Variants in XRCC4 observed in about 807,000 individuals in gnomAD.
The protein encoded by XRCC4 is DNA repair protein XRCC4.
Under a neutral mutation model 39.1 loss-of-function variants are expected in XRCC4, and 28 were observed. The observed-to-expected ratio is 0.72, with a 90% CI of 0.53 to 0.98. The LOEUF (loss-of-function observed/expected upper bound fraction) is 0.98. XRCC4 is among the 50% of genes least tolerant of loss of function. XRCC4 has a pLI of 0.00. For missense variants in XRCC4, 350 were observed against 376.4 expected (o/e 0.93, Z 0.58); for synonymous variants, 123 against 126.4 (o/e 0.97, Z 0.18).
intron 6 of XRCC4, among the ~76,000 whole-genome samples, chr5:83,207,666 G>A (rs1006800552): frequency 1.3e-5 from 2 of 152,012 alleles, no homozygotes; most frequent in Non-Finnish European, 2.9e-5. Context: ...ATCTGAGAAA[G>A]AAAATTGTAG....
Position 83,353,163 on chromosome 5 carries a change from A to C in XRCC4, c.926A>C (p.Lys309Thr), listed in dbSNP as rs1446254177. 6.2e-7 allele frequency: 1 copy of C among 1,611,752 alleles called. No individual in the cohort carries two copies. Among genetic ancestry groups the C allele is most frequent in the Admixed American group, 1.7e-5 (1 of 59,638 alleles). ...TCTTCACTACCTGAGACGTCTAAAAAGGAGCACATCTCAGCTGAAAACATG... is the reference window on the plus strand; with the variant it reads ...TCTTCACTACCTGAGACGTCTAAAACGGAGCACATCTCAGCTGAAAACATG... ...PDSSLPETSKKEHISAENMSL... is the reference protein window; with the variant it reads ...PDSSLPETSKTEHISAENMSL... The change falls in exon 8 of 8, where the codon AAG becomes ACG. Residue 309 changes from lysine to threonine, a missense_variant. Coordinates refer to ENST00000396027, the MANE Select transcript of XRCC4 (RefSeq NM_003401.5).
At chr5:83,143,462 TATAAG>T (rs1748282376) in intron 3 of XRCC4, among the ~76,000 whole-genome samples, 1 of 152,148 alleles carries the variant, frequency 6.6e-6, no homozygotes, top group Admixed American at 6.5e-5. Flanking sequence ...AAAATAAAAT[TATAAG>T]AAAATAACTG....
At chr5:83,212,899 C>A (rs1751704370) in intron 6 of XRCC4, among the ~76,000 whole-genome samples, 1 of 147,692 alleles carries the variant, frequency 6.8e-6, no homozygotes. Flanking sequence ...TGCACTCCAG[C>A]CTGGGAGACA....
intron 2 of XRCC4, among the ~76,000 whole-genome samples, chr5:83,110,045 C>T (rs751702500): frequency 4.0e-5 from 6 of 151,822 alleles, no homozygotes; most frequent in Admixed American, 6.6e-5. Flanking sequence ...ATGTAAAAAT[C>T]GAGGTGAGAA....
intron 6 of XRCC4, among the ~76,000 whole-genome samples, chr5:83,219,922 A>G (rs943115479): frequency 6.6e-6 from 1 of 152,180 alleles, no homozygotes; most frequent in Admixed American, 6.5e-5. Flanking sequence ...CAACATAGTC[A>G]TCTTGAGGTT....
chr5:83,275,613 C>T (rs868781126), intron 7 of XRCC4, among the ~76,000 whole-genome samples: 4 of 152,162 alleles, frequency 2.6e-5, no homozygotes, highest in Admixed American at 6.5e-5. Context: ...GTTTTAGAAA[C>T]TTAACAGACA....
At chr5:83,134,604 G>C (rs1747790076) in intron 3 of XRCC4, among the ~76,000 whole-genome samples, 1 of 152,168 alleles carries the variant, frequency 6.6e-6, no homozygotes, top group Non-Finnish European at 1.5e-5. Flanking sequence ...TCAGTTCTCT[G>C]TAAAATGGAC....
intron 3 of XRCC4, among the ~76,000 whole-genome samples, chr5:83,141,668 G>T (rs191578613): frequency 1.3e-4 from 19 of 148,138 alleles, no homozygotes; most frequent in African/African-American, 4.5e-4. Context: ...TTGATCCTTT[G>T]TCCTTCAAAT....
chr5:83,371,122 A>G, the XRCC4 span, among the ~76,000 whole-genome samples: 2 of 152,028 alleles, frequency 1.3e-5, no homozygotes, highest in African/African-American at 4.8e-5. Context: ...AAGCCCTTTC[A>G]TCCACTCTTC....
intron 6 of XRCC4, among the ~76,000 whole-genome samples, chr5:83,210,338 G>T (rs1321698101): frequency 6.6e-6 from 1 of 152,108 alleles, no homozygotes; most frequent in African/African-American, 2.4e-5. Flanking sequence ...AACTGGAAAA[G>T]AAATTTAAGT....
intron 7 of XRCC4, among the ~76,000 whole-genome samples, chr5:83,260,055 C>T (rs914276191): frequency 3.3e-5 from 5 of 152,008 alleles, no homozygotes; most frequent in African/African-American, 1.2e-4. Flanking sequence ...AATGCTATCT[C>T]CATACTATGC....
intron 6 of XRCC4, among the ~76,000 whole-genome samples, chr5:83,215,964 A>T (rs1172555917): frequency 1.3e-5 from 2 of 151,930 alleles, no homozygotes; most frequent in Non-Finnish European, 2.9e-5. Flanking sequence ...GATAAATTGG[A>T]TTTCGTCAAA....
intron 6 of XRCC4, among the ~76,000 whole-genome samples, chr5:83,246,259 C>G (rs984459996): frequency 6.6e-6 from 1 of 151,914 alleles, no homozygotes; most frequent in Non-Finnish European, 1.5e-5. Flanking sequence ...AACTGTATTC[C>G]TTGGCTAAGA....
At chr5:83,208,574 A>G (rs1751509145) in intron 6 of XRCC4, among the ~76,000 whole-genome samples, 1 of 151,932 alleles carries the variant, frequency 6.6e-6, no homozygotes, top group African/African-American at 2.4e-5. Flanking sequence ...AAATTTTCAT[A>G]TTTTCCCACT....
At chr5:83,077,717 C>A (rs1744728986) in intron 1 of XRCC4, 102 bp downstream of exon 1, 3 of 188,794 alleles carry the variant, frequency 1.6e-5, no homozygotes, top group South Asian at 1.8e-4. Context: ...CTGCTACTTA[C>A]CCCTAGAACT....
chr5:83,258,888 CA>C, intron 7 of XRCC4: 1 of 603,332 alleles, frequency 1.7e-6, no homozygotes, highest in Non-Finnish European at 2.6e-6. Context: ...AGAACGTAAG[CA>C]AAAATTTTTT....
chr5:83,221,097 C>T lies in XRCC4; in HGVS notation c.745+16176C>T, dbSNP rs62374405. On this transcript the variant is annotated intron_variant, in intron 6 of 7. Coordinates refer to ENST00000396027, the MANE Select transcript of XRCC4 (RefSeq NM_003401.5). ...TGACCCTTGGAGGAAGATAATGATA[C>T]TGATGATAATGAGTACTGCTGCTGT... Among the ~76,000 whole-genome samples the T allele has an allele frequency of 1.1e-3, 165 of 152,176 alleles. 1 individual carries two copies. The highest frequency in any genetic ancestry group is 2.7e-3 in the Admixed American group (41 of 15,276).
chr5:83,162,186 A>C lies in XRCC4; in HGVS notation c.316-33584A>C, dbSNP rs553447771. 1.2e-4 allele frequency among the ~76,000 whole-genome samples: 19 copies of C among 152,292 alleles called. No homozygotes were observed. In the South Asian group the frequency reaches 3.7e-3, roughly 30 times the overall value. The stretch of plus-strand genomic sequence containing the variant: ...CGTTTCAAAAATAAATAAATTAATT[A>C]GTTTTAAAAAATAAAATAAAATGTT... On this transcript the variant is annotated intron_variant, in intron 3 of 7. Transcript: ENST00000396027.
chr5:83,341,318 GCACATACACA>G (rs1442212622), intron 7 of XRCC4, among the ~76,000 whole-genome samples: 3 of 152,060 alleles, frequency 2.0e-5, no homozygotes, highest in Admixed American at 1.3e-4. Flanking sequence ...AGACACATGA[GCACATACACA>G]CACATACACA....
Sources: allele counts gnomAD v4.1 joint callset (sites outside exome capture counted in the v4.1 genomes callset), GRCh38; gene constraint gnomAD v4.1.1; transcripts MANE v1.5; gene names NCBI Gene and HGNC (gene_info 2026-07-23, HGNC 2026-07-21).